Variants in PC observed in about 807,000 individuals in gnomAD.
PC encodes the protein pyruvate carboxylase, mitochondrial.
Under a neutral mutation model 107.8 loss-of-function variants are expected in PC, and 46 were observed. That is an observed-to-expected ratio of 0.43 (90% CI 0.34 to 0.55). PC has a LOEUF of 0.55. PC is among the 20% of genes least tolerant of loss of function. The pLI is 0.04. For synonymous variants in PC, 662 were observed against 684.7 expected (o/e 0.97, Z 0.52); for missense variants, 1,241 against 1,643.1 (o/e 0.76, Z 4.23).
Position 66,866,476 on chromosome 11 carries a change from G to A in PC, c.1023-127C>T. ...AGTGCGACTCCTGCCCATAGGCTCT[G>A]GGCCAGCCTGAACAGCCGGTTCCTC... On this transcript the variant is annotated intron_variant, in intron 10 of 22. Transcript: ENST00000393960. The surrounding 1 kb of genome is among the most constrained non-coding windows in gnomAD (Gnocchi z 5.4). 1 of 716,890 alleles carries A rather than the reference G, an allele frequency of 1.4e-6. No homozygotes were observed. Among genetic ancestry groups the A allele is most frequent in the Admixed American group, 2.2e-5 (1 of 45,460 alleles). 44.4% of individuals were successfully genotyped at this position (716,890 alleles called of 1,614,324 possible). A position where few individuals can be genotyped will look rare whatever the true frequency, so the allele number is the denominator to read the frequency against.
At chr11:66,915,671 A>G (rs568974255) in intron 3 of PC, among the ~76,000 whole-genome samples, 14 of 152,064 alleles carry the variant, frequency 9.2e-5, no homozygotes, top group African/African-American at 3.4e-4. Context: ...CCGCAGGGGG[A>G]GCTACCAGGG....
chr11:66,911,958 A>G (rs4930393), intron 3 of PC, among the ~76,000 whole-genome samples: 83,685 of 151,722 alleles, frequency 0.55, 23,524 homozygotes, highest in African/African-American at 0.62. Flanking sequence ...CCTCGAACCC[A>G]GGAGGCAGAG....
intron 12 of PC, 141 bp from the exon 13 acceptor site, chr11:66,853,524 C>A (rs573681001): frequency 1.2e-5 from 12 of 968,252 alleles, no homozygotes; most frequent in Non-Finnish European, 1.8e-5. Context: ...AGGGGCACTT[C>A]CCCGTCCCTC....
intron 3 of PC, among the ~76,000 whole-genome samples, chr11:66,923,665 G>C (rs1436327164): frequency 6.6e-6 from 1 of 151,756 alleles, no homozygotes; most frequent in Non-Finnish European, 1.5e-5. Context: ...ACATGTGCAG[G>C]TGCACCACCA....
intron 3 of PC, among the ~76,000 whole-genome samples, chr11:66,938,248 T>C (rs998830347): frequency 6.6e-6 from 1 of 152,190 alleles, no homozygotes; most frequent in African/African-American, 2.4e-5. Context: ...TTTTCCTGAA[T>C]AAATGTGTCT....
chr11:66,886,813 T>C (rs1947382633), intron 3 of PC, among the ~76,000 whole-genome samples: 1 of 152,096 alleles, frequency 6.6e-6, no homozygotes, highest in African/African-American at 2.4e-5. Flanking sequence ...GAGTCTCCTG[T>C]GTAAAGAGTT....
chr11:66,871,703 A>T lies in PC; in HGVS notation c.305T>A (p.Ile102Asn), dbSNP rs2135942049. ...PVQAYLHIPD[I>N]IKVAKENNVD... is the part of the protein sequence containing the mutation. ...TGGGCTCACCTTGGCCACCTTGATGATGTCTGGGATGTGCAGGTAGGCCTG... is the reference window on the plus strand; with the variant it reads ...TGGGCTCACCTTGGCCACCTTGATGTTGTCTGGGATGTGCAGGTAGGCCTG... Residue 102 changes from isoleucine to asparagine, a missense_variant, in exon 5 of 23, where the codon ATC becomes AAC. Around this residue, in one of 2 missense-constraint regions of PC, gnomAD observed 1,143 missense variants for 1,551.9 expected, o/e 0.74. Coordinates refer to ENST00000393960, the MANE Select transcript of PC (RefSeq NM_001040716.2). The surrounding 1 kb of genome is among the most constrained non-coding windows in gnomAD (Gnocchi z 7.4). The T allele has an allele frequency of 6.4e-7, 1 of 1,568,276 alleles. No homozygotes were observed. The highest frequency in any genetic ancestry group is 8.6e-7 in the Non-Finnish European group (1 of 1,156,670).
At chr11:66,895,111 G>C (rs1387188822) in intron 3 of PC, among the ~76,000 whole-genome samples, 1 of 151,970 alleles carries the variant, frequency 6.6e-6, no homozygotes, top group African/African-American at 2.4e-5. Flanking sequence ...TGGAAGAACA[G>C]AGGTTTACTT....
At chr11:66,887,242 G>C (rs955899993) in intron 3 of PC, among the ~76,000 whole-genome samples, 3 of 152,180 alleles carry the variant, frequency 2.0e-5, no homozygotes, top group African/African-American at 7.2e-5. Flanking sequence ...TTGCCAATGG[G>C]TGTTGGTGTC....
chr11:66,861,669 G>C (rs1946266126), intron 12 of PC, among the ~76,000 whole-genome samples: 1 of 152,168 alleles, frequency 6.6e-6, no homozygotes, highest in African/African-American at 2.4e-5. Context: ...AGACGGCAAA[G>C]GGACAGGAGG....
At chr11:66,859,679 C>A in intron 12 of PC, 1 of 1,612,980 alleles carries the variant, frequency 6.2e-7, no homozygotes, top group Non-Finnish European at 8.5e-7. Flanking sequence ...TGAAGCACCT[C>A]GTCCCCGGCG....
In PC at chr11:66,851,165, C is replaced by T; in HGVS notation, c.2098G>A (p.Val700Met). Reference protein sequence around the residue: ...MEAAGSAGGVVEAAISYTGDV... With the variant: ...MEAAGSAGGVMEAAISYTGDV... ...CCCGTGTATGAGATGGCAGCCTCCA[C>T]CACGCCTCCGGCACTTCCTGCCGCC... The change falls in exon 17 of 23, where the codon GTG becomes ATG. Residue 700 changes from valine to methionine, a missense_variant. By Grantham distance (21) the Val-to-Met change is conservative. Coordinates refer to ENST00000393960, the MANE Select transcript of PC (RefSeq NM_001040716.2). 1 of 1,612,244 alleles carries T rather than the reference C, an allele frequency of 6.2e-7. No homozygotes were observed. The highest frequency in any genetic ancestry group is 8.5e-7 in the Non-Finnish European group (1 of 1,180,014).
Position 66,852,946 on chromosome 11 carries a change from C to T in PC, c.1514-110G>A, listed in dbSNP as rs538855994. ...CAGGGACACATCCCTCCAGGATCCC[C>T]GGGCTTCCAGCTGGCCCCTGTCCTC... On this transcript the variant is annotated intron_variant, in intron 13 of 22. Transcript: ENST00000393960. This position sits in a 1 kb window ranked among gnomAD's most constrained non-coding sequence, Gnocchi z 4.7. 304 of 890,658 alleles carry T rather than the reference C, an allele frequency of 3.4e-4. No individual in the cohort carries two copies. Among genetic ancestry groups the T allele is most frequent in the Middle Eastern group, 1.0e-3 (3 of 2,964 alleles). The allele number at this position is 890,658 out of a possible 1,614,324, so 55.2% of individuals were successfully genotyped here. A position where few individuals can be genotyped will look rare whatever the true frequency, so the allele number is the denominator to read the frequency against.
chr11:66,906,558 T>C (rs1253357062), intron 3 of PC, among the ~76,000 whole-genome samples: 1 of 152,138 alleles, frequency 6.6e-6, no homozygotes, highest in Non-Finnish European at 1.5e-5. Context: ...CCCGAGCAGT[T>C]TGGGACTAAG....
intron 3 of PC, among the ~76,000 whole-genome samples, chr11:66,872,805 G>A (rs1316554125): frequency 6.6e-6 from 1 of 151,702 alleles, no homozygotes; most frequent in Non-Finnish European, 1.5e-5. Flanking sequence ...GGAGGCTGAA[G>A]TGGGAGGAGC....
Position 66,850,913 on chromosome 11 carries a change from C to T in PC, c.2234G>A (p.Gly745Glu), listed in dbSNP as rs1386064414. 1 of 1,608,890 alleles carries T rather than the reference C, an allele frequency of 6.2e-7. No homozygotes were observed. Among genetic ancestry groups the T allele is most frequent in the African/African-American group, 1.3e-5 (1 of 75,022 alleles). ...GGTGCAGGCCGTGGGCTTCAGCAGC[C>T]CGGCCATGTCCTGGGGGAAGTGGGA... ...THILCIKDMAGLLKPTACTML... is the reference protein window; with the variant it reads ...THILCIKDMAELLKPTACTML... The change falls in exon 18 of 23, where the codon GGG (glycine) becomes GAG (glutamate). Residue 745 changes from glycine to glutamate, a missense_variant. Transcript: ENST00000393960.
chr11:66,939,169 G>A (rs1949065674), intron 3 of PC, among the ~76,000 whole-genome samples: 2 of 151,712 alleles, frequency 1.3e-5, no homozygotes, highest in South Asian at 2.1e-4. Context: ...ATTCGAAAAA[G>A]CAAAATAAAA....
rs746756198 is a variant in PC, at chr11:66,851,869, G to A, written c.1903C>T (p.Pro635Ser). 5 of 1,614,136 alleles carry A rather than the reference G, an allele frequency of 3.1e-6. No homozygotes were observed. In the South Asian group the frequency reaches 3.3e-5, roughly 11 times the overall value. The change falls in exon 16 of 23, where the codon CCC becomes TCC. Residue 635 changes from proline to serine, a missense_variant. This residue lies in a region of PC where 1,143 missense variants were observed against 1,551.9 expected (regional missense o/e 0.74). Transcript: ENST00000393960. Reference protein sequence around the residue: ...RRLQELRELIPNIPFQMLLRG... With the variant: ...RRLQELRELISNIPFQMLLRG... ...AGCAGCATCTGGAAAGGGATGTTGG[G>A]GATGAGCTCCCGGAGCTCCTGCAGC...
intron 3 of PC, among the ~76,000 whole-genome samples, chr11:66,924,250 A>G (rs1369256557): frequency 6.7e-6 from 1 of 149,976 alleles, no homozygotes. Context: ...GGAAAAGTTG[A>G]GCCAGGCATG....
Sources: gnomAD v4.1 joint callset for allele counts (sites outside exome capture counted in the v4.1 genomes callset) on GRCh38, gnomAD v4.1.1 for gene constraint, gnomAD v4.1.1 regional missense constraint, Gnocchi (gnomAD v3.1) non-coding constraint, MANE v1.5 for transcripts, NCBI Gene and HGNC (gene_info 2026-07-23, HGNC 2026-07-21) for gene names.